Variants in NTN5 observed in about 807,000 individuals in gnomAD.
NTN5 encodes netrin-5.
A neutral mutation model predicts 38.7 loss-of-function variants in NTN5; 42 were observed. The observed-to-expected ratio is 1.08, with a 90% CI of 0.85 to 1.40. The LOEUF is 1.40. NTN5 is among the 40% of genes most tolerant of loss of function. The pLI is 0.00. For synonymous variants in NTN5, 329 were observed against 303.9 expected (o/e 1.08, Z -0.86); for missense variants, 658 against 716.5 (o/e 0.92, Z 0.93).
rs748256222 is a variant in NTN5 at position 48,670,881 on chromosome 19, G to A, written c.106C>T (p.Leu36=). ...PQFCLPPVTQ[L]AAVAASCPQA... is the part of the protein sequence containing the mutation. Reference sequence around the variant, plus strand: ...GGGCAGGAGGCCGCCACGGCAGCCAGCTGTGTCACTGGCGGGAGGCAGAAT... The same window carrying A: ...GGGCAGGAGGCCGCCACGGCAGCCAACTGTGTCACTGGCGGGAGGCAGAAT... Residue 36 remains leucine, a synonymous_variant, in exon 2 of 7, where the codon CTG becomes TTG. Transcript: ENST00000270235. 1.9e-6 allele frequency: 3 copies of A among 1,610,346 alleles called. No homozygotes were observed. Among genetic ancestry groups the A allele is most frequent in the Admixed American group, 1.7e-5 (1 of 59,654 alleles).
chr19:48,669,816 TCACCAC>T (rs1178629955), intron 2 of NTN5, among the ~76,000 whole-genome samples: 4 of 36,932 alleles, frequency 1.1e-4, no homozygotes, highest in South Asian at 1.0e-3. Flanking sequence ...ATCATCACCA[TCACCAC>T]CACCACCATC....
chr19:48,664,785 T>TG lies in NTN5; in HGVS notation c.632-19dup, dbSNP rs1160264102. ...GGAGCAGGCTAGGAGCAAAATGGGG[T>TG]GGGGGCGCATCAGGGCCGAGTGTGC... On this transcript the variant is annotated intron_variant, in intron 2 of 6. Coordinates refer to ENST00000270235, the MANE Select transcript of NTN5 (RefSeq NM_145807.4). 3 of 1,521,178 alleles carry TG rather than the reference T, an allele frequency of 2.0e-6. No individual in the cohort carries two copies. The highest frequency in any genetic ancestry group is 2.5e-5 in the South Asian group (2 of 80,234). 94.2% of individuals were successfully genotyped at this position (1,521,178 alleles called of 1,614,324 possible). A position where few individuals can be genotyped will look rare whatever the true frequency, so the allele number is the denominator to read the frequency against.
rs2031536212 is a variant in NTN5 at position 48,661,506 on chromosome 19, C to T, written c.*171G>A. ...TGTTGGGACCAGAAGTCCCGCTTGC[C>T]GCCTTTTGCTAAAAGTTCCGCACGC... On this transcript the variant is annotated 3_prime_UTR_variant, in exon 7 of 7. Transcript: ENST00000270235. 5 of 745,216 alleles carry T rather than the reference C, an allele frequency of 6.7e-6. No individual in the cohort carries two copies. The highest frequency in any genetic ancestry group is 9.5e-6 in the Non-Finnish European group (5 of 527,256). 46.2% of individuals were successfully genotyped at this position (745,216 alleles called of 1,614,324 possible).
intron 6 of NTN5, among the ~76,000 whole-genome samples, 165 bp from the exon 7 acceptor site, chr19:48,662,206 G>T (rs1286651890): frequency 3.3e-5 from 5 of 152,146 alleles, no homozygotes; most frequent in Non-Finnish European, 7.3e-5. Context: ...ACCCTAAATC[G>T]TGAGGGGTAG....
chr19:48,663,146 G>A (rs1029312094), intron 6 of NTN5: 1 of 500,484 alleles, frequency 2.0e-6, no homozygotes, highest in South Asian at 1.6e-5. Flanking sequence ...GGGAGGACAG[G>A]GCAAGAGTTC....
At chr19:48,669,109 C>A (rs1186362161) in intron 2 of NTN5, among the ~76,000 whole-genome samples, 1 of 127,538 alleles carries the variant, frequency 7.8e-6, no homozygotes, top group East Asian at 2.3e-4. Flanking sequence ...ACCACTATCA[C>A]CATCATCACC....
intron 2 of NTN5, among the ~76,000 whole-genome samples, chr19:48,669,870 TCATCACCACTACCATCACCATCACCAC>T: frequency 2.1e-5 from 1 of 48,094 alleles, no homozygotes; most frequent in East Asian, 6.0e-4. Flanking sequence ...ACCATCACCA[TCATCACCACTACCATCACCATCACCAC>T]CACCATCACC....
chr19:48,664,508 C>A, intron 3 of NTN5, 71 bp downstream of exon 3: 1 of 1,457,822 alleles, frequency 6.9e-7, no homozygotes, highest in South Asian at 1.4e-5. Context: ...GCCCCCAGCC[C>A]CTCCTCCCTC....
chr19:48,665,346 G>T (rs1041160404), intron 2 of NTN5, among the ~76,000 whole-genome samples: 19 of 151,032 alleles, frequency 1.3e-4, no homozygotes, highest in African/African-American at 2.9e-4. Context: ...TGAGGCAGGA[G>T]AATCTCCTGA....
chr19:48,664,065 C>T (rs2031621655), intron 4 of NTN5, 78 bp downstream of exon 4: 1 of 1,488,014 alleles, frequency 6.7e-7, no homozygotes, highest in Non-Finnish European at 9.0e-7. Flanking sequence ...CCAGCCCTCA[C>T]TGCAGCTGTG....
rs781061581 is a variant in NTN5 at position 48,664,558 on chromosome 19, C to T, written c.820+21G>A. 6 of 1,586,274 alleles carry T rather than the reference C, an allele frequency of 3.8e-6. No individual in the cohort carries two copies. The South Asian group carries it at 4.6e-5, about 12-fold the overall frequency. ...AGCCCTACCTCTGCTCCCCCCAGGC[C>T]TGTCTGCAGGCCACACTCACCTCTG... On this transcript the variant is annotated intron_variant, in intron 3 of 6. Coordinates refer to ENST00000270235, the MANE Select transcript of NTN5 (RefSeq NM_145807.4).
chr19:48,664,208 C>A lies in NTN5; in HGVS notation c.905G>T (p.Gly302Val). The change falls in exon 4 of 7, where the codon GGC (glycine) becomes GTC (valine). Residue 302 changes from glycine to valine, a missense_variant. By Grantham distance (109) the Gly-to-Val change is moderately radical. Coordinates refer to ENST00000270235, the MANE Select transcript of NTN5 (RefSeq NM_145807.4). The stretch of plus-strand genomic sequence containing the variant: ...AGGGCCACAGCGGTTGCAGGTCAGG[C>A]CTGTGACCCCTAACTTGCAGGTGCA... ...GQCTCKLGVT[G>V]LTCNRCGPGY... 6.2e-7 allele frequency: 1 copy of A among 1,611,166 alleles called. No individual in the cohort carries two copies.
Position 48,661,681 on chromosome 19 carries a change from T to C in NTN5, c.1466A>G (p.His489Arg). The C allele has an allele frequency of 6.5e-7, 1 of 1,547,510 alleles. No homozygotes were observed. The highest frequency in any genetic ancestry group is 8.6e-7 in the Non-Finnish European group (1 of 1,157,634). ...RAPTPSPRPE[H>R] Reference sequence around the variant, plus strand: ...CGAGGCAGCCCCATCTCACGTCTAGTGCTCCGGCCTGGGACTGGGTGTGGG... The same window carrying C: ...CGAGGCAGCCCCATCTCACGTCTAGCGCTCCGGCCTGGGACTGGGTGTGGG... The change falls in exon 7 of 7, where the codon CAC (histidine) becomes CGC (arginine). Residue 489 changes from histidine (H) to arginine (R), a missense_variant. Transcript: ENST00000270235.
rs1199947541 is a variant in NTN5 at position 48,664,222 on chromosome 19, C to T, written c.891G>A (p.Lys297=). The T allele has an allele frequency of 6.2e-7, 1 of 1,612,168 alleles. No homozygotes were observed. Among genetic ancestry groups the T allele is most frequent in the Non-Finnish European group, 8.5e-7 (1 of 1,179,310 alleles). ...TGCAGGTCAGGCCTGTGACCCCTAA[C>T]TTGCAGGTGCACTGCCCACTGGTCT... ...CNQTSGQCTC[K]LGVTGLTCNR... is the part of the protein sequence containing the mutation. Residue 297 remains lysine, a synonymous_variant, in exon 4 of 7, where the codon AAG becomes AAA. Transcript: ENST00000270235.
Position 48,662,046 on chromosome 19 carries a change from G to A in NTN5, c.1106-5C>T, listed in dbSNP as rs1208649615. ...CTAGCACCTGCGCGCGGAGAACTGT[G>A]GGGAGGGGAGATGTCAGCCCAGGTC... On this transcript the variant is annotated splice_polypyrimidine_tract_variant and splice_region_variant and intron_variant, in intron 6 of 6. Coordinates refer to ENST00000270235, the MANE Select transcript of NTN5 (RefSeq NM_145807.4). 1 of 1,462,860 alleles carries A rather than the reference G, an allele frequency of 6.8e-7. No homozygotes were observed. The highest frequency in any genetic ancestry group is 1.3e-5 in the South Asian group (1 of 76,968). The allele number at this position is 1,462,860 out of a possible 1,614,324, so 90.6% of individuals were successfully genotyped here. A position where few individuals can be genotyped will look rare whatever the true frequency, so the allele number is the denominator to read the frequency against.
In NTN5 at chr19:48,670,911, G is replaced by T; in HGVS notation, c.76C>A (p.Pro26Thr). The change falls in exon 2 of 7, where the codon CCC becomes ACC. Residue 26 changes from proline (P) to threonine (T), a missense_variant. Transcript: ENST00000270235. ...ADPCYDPQGRPQFCLPPVTQL... is the reference protein window; with the variant it reads ...ADPCYDPQGRTQFCLPPVTQL... ...GTCACTGGCGGGAGGCAGAATTGGG[G>T]GCGGCCCTGTGGATCGTAGCATGGG... is the stretch of plus-strand genomic sequence containing the variant. The T allele has an allele frequency of 1.2e-6, 2 of 1,603,628 alleles. No homozygotes were observed. Among genetic ancestry groups the T allele is most frequent in the Non-Finnish European group, 1.7e-6 (2 of 1,174,628 alleles).
chr19:48,672,561 C>T (rs977344961), intron 1 of NTN5, among the ~76,000 whole-genome samples: 1 of 152,210 alleles, frequency 6.6e-6, no homozygotes, highest in African/African-American at 2.4e-5. Flanking sequence ...AGGAGCCTGG[C>T]GCCATTTTGC....
At chr19:48,664,082 A>C in intron 4 of NTN5, 61 bp downstream of exon 4, 1 of 1,527,036 alleles carries the variant, frequency 6.5e-7, no homozygotes, top group Non-Finnish European at 8.8e-7. Flanking sequence ...TGTGCACTGG[A>C]GACCTGGGAT....
Position 48,670,815 on chromosome 19 carries a change from T to C in NTN5, c.172A>G (p.Arg58Gly). Reference protein sequence around the residue: ...ALSPGNHLGARETCNGSLTLA... With the variant: ...ALSPGNHLGAGETCNGSLTLA... ...GTCAGGCTGCCATTGCAGGTTTCCC[T>C]GGCGCCAAGGTGGTTTCCTGGGGAC... Residue 58 changes from arginine (R) to glycine (G), a missense_variant, in exon 2 of 7, where the codon AGG (arginine) becomes GGG (glycine). Transcript: ENST00000270235. 1 of 1,613,096 alleles carries C rather than the reference T, an allele frequency of 6.2e-7. No individual in the cohort carries two copies. The highest frequency in any genetic ancestry group is 8.5e-7 in the Non-Finnish European group (1 of 1,179,962).
Sources: allele counts gnomAD v4.1 joint callset (sites outside exome capture counted in the v4.1 genomes callset), GRCh38; gene constraint gnomAD v4.1.1; transcripts MANE v1.5; gene names NCBI Gene and HGNC (gene_info 2026-07-23, HGNC 2026-07-21).